Variants in TRPM3 observed in about 807,000 individuals in gnomAD.
The protein encoded by TRPM3 is long transient receptor potential channel 3.
Under a neutral mutation model 181.2 loss-of-function variants are expected in TRPM3, and 77 were observed. The ratio of observed to expected loss-of-function variants is 0.42; its 90% CI spans 0.35 to 0.51. The LOEUF (loss-of-function observed/expected upper bound fraction) is 0.51, where lower values mean the gene tolerates loss of function less well. TRPM3 is among the 20% of genes least tolerant of loss of function. TRPM3 has a pLI of 0.01. For synonymous variants in TRPM3, 745 were observed against 796.4 expected (o/e 0.94, Z 1.09); for missense variants, 1,759 against 2,196.7 (o/e 0.80, Z 3.98).
At chr9:71,412,229 A>G (rs995317459) in intron 1 of TRPM3, among the ~76,000 whole-genome samples, 1 of 152,218 alleles carries the variant, frequency 6.6e-6, no homozygotes, top group South Asian at 2.1e-4. Flanking sequence ...AATGGCAACA[A>G]AAGCCAAAAT....
intron 1 of TRPM3, among the ~76,000 whole-genome samples, chr9:71,137,954 A>C (rs2035120743): frequency 6.6e-6 from 1 of 152,016 alleles, no homozygotes; most frequent in Non-Finnish European, 1.5e-5. Flanking sequence ...CTGTCTCTAA[A>C]AATGCAAAAA....
At chr9:70,761,765 C>A in intron 7 of TRPM3, 41 bp from the exon 8 acceptor site, 1 of 1,577,968 alleles carries the variant, frequency 6.3e-7, no homozygotes, top group Non-Finnish European at 8.6e-7. Flanking sequence ...CAACCAACTC[C>A]TATTCAGCAA....
intron 1 of TRPM3, among the ~76,000 whole-genome samples, chr9:70,895,184 G>A (rs1269478085): frequency 1.3e-5 from 2 of 152,146 alleles, no homozygotes; most frequent in Non-Finnish European, 2.9e-5. Flanking sequence ...CTGAAAACAG[G>A]CAGCGCTGCA....
At chr9:71,131,225 A>G (rs1042108279) in intron 1 of TRPM3, among the ~76,000 whole-genome samples, 3 of 152,186 alleles carry the variant, frequency 2.0e-5, no homozygotes, top group Non-Finnish European at 4.4e-5. Context: ...TCCCTCTTCT[A>G]AAGCTTTCTC....
intron 1 of TRPM3, among the ~76,000 whole-genome samples, chr9:71,084,705 G>GATTAAATCTGTTTA (rs1565159551): frequency 4.6e-5 from 7 of 151,848 alleles, no homozygotes; most frequent in Non-Finnish European, 7.4e-5. Context: ...TGCTTAAAGC[G>GATTAAATCTGTTTA]ATCTACAGAT....
At chr9:70,668,313 C>T (rs996185042) in intron 9 of TRPM3, among the ~76,000 whole-genome samples, 1 of 152,168 alleles carries the variant, frequency 6.6e-6, no homozygotes, top group African/African-American at 2.4e-5. Flanking sequence ...GATGATACTG[C>T]TAGTACCTGC....
intron 17 of TRPM3, among the ~76,000 whole-genome samples, chr9:70,616,694 C>T (rs539892297): frequency 2.6e-4 from 39 of 152,056 alleles, no homozygotes; most frequent in Non-Finnish European, 5.3e-4. Flanking sequence ...CACAAACACA[C>T]ATACACACAC....
At chr9:71,103,316 G>C (rs1007243871) in intron 1 of TRPM3, among the ~76,000 whole-genome samples, 4 of 152,136 alleles carry the variant, frequency 2.6e-5, no homozygotes, top group Non-Finnish European at 4.4e-5. Context: ...TGGAAAAATT[G>C]AAAGAGGAAC....
chr9:71,052,605 A>G (rs889889859), intron 1 of TRPM3, among the ~76,000 whole-genome samples: 3 of 152,144 alleles, frequency 2.0e-5, no homozygotes, highest in African/African-American at 7.2e-5. Context: ...CCTTATAATC[A>G]TTTTTAACAA....
At chr9:70,552,159 A>G (rs1210211451) in intron 24 of TRPM3, among the ~76,000 whole-genome samples, 1 of 152,172 alleles carries the variant, frequency 6.6e-6, no homozygotes, top group Non-Finnish European at 1.5e-5. Flanking sequence ...GTGGTTCTTA[A>G]TGGAGCGTGG....
intron 1 of TRPM3, among the ~76,000 whole-genome samples, chr9:71,276,124 A>G (rs926958723): frequency 6.6e-6 from 1 of 152,206 alleles, no homozygotes; most frequent in Admixed American, 6.5e-5. Flanking sequence ...TACAGGCATG[A>G]GCCACTGCAC....
intron 1 of TRPM3, among the ~76,000 whole-genome samples, chr9:71,382,594 G>C (rs918879675): frequency 6.6e-6 from 1 of 151,498 alleles, no homozygotes; most frequent in Non-Finnish European, 1.5e-5. Context: ...GAGTCAGCAA[G>C]AGTACCAGAT....
intron 1 of TRPM3, among the ~76,000 whole-genome samples, chr9:71,369,708 T>A (rs774730321): frequency 2.6e-5 from 4 of 152,088 alleles, no homozygotes; most frequent in Non-Finnish European, 5.9e-5. Context: ...TCAATCGGGG[T>A]TATGGTTGAC....
At chr9:71,203,896 G>A (rs1168312678) in intron 1 of TRPM3, among the ~76,000 whole-genome samples, 7 of 151,888 alleles carry the variant, frequency 4.6e-5, no homozygotes, top group South Asian at 2.1e-4. Context: ...ATAGTAGTAC[G>A]ATTGAAAGTA....
chr9:70,920,478 T>A (rs1003616293), intron 1 of TRPM3, among the ~76,000 whole-genome samples: 1 of 152,206 alleles, frequency 6.6e-6, no homozygotes, highest in Non-Finnish European at 1.5e-5. Context: ...TTTGGCACTT[T>A]AGTCCCCTCT....
At chr9:71,078,114 TG>T (rs1472500179) in intron 1 of TRPM3, among the ~76,000 whole-genome samples, 4 of 152,082 alleles carry the variant, frequency 2.6e-5, no homozygotes, top group African/African-American at 9.7e-5. Flanking sequence ...ATTTTTGTAT[TG>T]GGGAATTTTT....
At chr9:71,279,043 ATAAAAAT>A (rs1480582543) in intron 1 of TRPM3, among the ~76,000 whole-genome samples, 3,937 of 137,496 alleles carry the variant, frequency 0.029, 504 homozygotes, top group African/African-American at 0.057. Context: ...GTTAAAAAAA[ATAAAAAT>A]AAAAATAAAA....
intron 1 of TRPM3, among the ~76,000 whole-genome samples, chr9:71,103,677 C>T (rs2068842524): frequency 6.6e-6 from 1 of 152,130 alleles, no homozygotes; most frequent in Middle Eastern, 3.4e-3. Flanking sequence ...AAGCATGTTC[C>T]CAAAGACTAT....
chr9:71,388,243 C>T (rs1284933099), intron 1 of TRPM3, among the ~76,000 whole-genome samples: 1 of 152,038 alleles, frequency 6.6e-6, no homozygotes, highest in African/African-American at 2.4e-5. Flanking sequence ...CATACATAGA[C>T]ACACAAAGTT....
Sources: allele counts gnomAD v4.1 joint callset (sites outside exome capture counted in the v4.1 genomes callset), GRCh38; gene constraint gnomAD v4.1.1; transcripts MANE v1.5; gene names NCBI Gene and HGNC (gene_info 2026-07-23, HGNC 2026-07-21).